The following RGS7 variants were observed in gnomAD, a reference collection of about 807,000 sequenced individuals.
RGS7 encodes regulator of G-protein signaling 7.
A neutral mutation model predicts 81.1 loss-of-function variants in RGS7; 27 were observed. That is an observed-to-expected ratio of 0.33 (90% confidence interval 0.25 to 0.46). The LOEUF (loss-of-function observed/expected upper bound fraction) is 0.46, where lower values mean the gene tolerates loss of function less well. RGS7 is among the 20% of genes least tolerant of loss of function. The pLI is 1.00. For synonymous variants in RGS7, 208 were observed against 207.7 expected, an observed-to-expected ratio of 1.00 and a Z score of -0.01; for missense variants, 396 against 607.4, an observed-to-expected ratio of 0.65 and a Z score of 3.66.
intron 4 of RGS7, among the ~76,000 whole-genome samples, chr1:240,975,408 C>CAATT (rs386370200): frequency 1.3e-4 from 19 of 151,606 alleles, no homozygotes; most frequent in Non-Finnish European, 2.9e-5. Flanking sequence ...TCTAAACAAA[C>CAATT]AAACAAACAA....
chr1:241,334,881 C>G (rs948776194), intron 2 of RGS7, among the ~76,000 whole-genome samples: 4 of 143,204 alleles, frequency 2.8e-5, no homozygotes, highest in African/African-American at 1.2e-4. Context: ...ATATTTATTT[C>G]TGCAAGCATC....
At chr1:240,793,606 TA>T (rs1438886510) in intron 18 of RGS7, among the ~76,000 whole-genome samples, 39,840 of 85,508 alleles carry the variant, frequency 0.47, 9,507 homozygotes, top group Non-Finnish European at 0.56. Flanking sequence ...TATATATATA[TA>T]TATATTTTTT....
intron 9 of RGS7, among the ~76,000 whole-genome samples, chr1:240,863,723 G>C (rs143043027): frequency 6.6e-6 from 1 of 151,868 alleles, no homozygotes; most frequent in African/African-American, 2.4e-5. Context: ...CTGAACTCTG[G>C]ACTTTTAAAA....
chr1:241,086,217 G>A (rs1240595657), intron 3 of RGS7, among the ~76,000 whole-genome samples: 3 of 152,128 alleles, frequency 2.0e-5, no homozygotes, highest in South Asian at 2.1e-4. Context: ...TTCTACATAC[G>A]TTGCCTGAAA....
chr1:241,265,473 A>T (rs1476686140), intron 2 of RGS7, among the ~76,000 whole-genome samples: 1 of 152,234 alleles, frequency 6.6e-6, no homozygotes, highest in African/African-American at 2.4e-5. Flanking sequence ...GGTGGAGGAC[A>T]GCCACAGGAG....
At chr1:240,977,452 G>A (rs1036289179) in intron 4 of RGS7, among the ~76,000 whole-genome samples, 8 of 151,962 alleles carry the variant, frequency 5.3e-5, no homozygotes, top group African/African-American at 1.9e-4. Flanking sequence ...ATATCTTTTA[G>A]ATTCTTACTG....
chr1:240,870,030 T>G (rs1443871366), intron 7 of RGS7, 25 bp downstream of exon 7: 2 of 1,604,050 alleles, frequency 1.2e-6, no homozygotes, highest in Admixed American at 3.3e-5. Flanking sequence ...ATGACTATCT[T>G]TGCCAGAAGG....
intron 9 of RGS7, among the ~76,000 whole-genome samples, chr1:240,860,618 T>G (rs1451213426): frequency 6.6e-6 from 1 of 152,116 alleles, no homozygotes; most frequent in East Asian, 1.9e-4. Flanking sequence ...CAGGCTATTC[T>G]ATACAAATTT....
intron 3 of RGS7, among the ~76,000 whole-genome samples, chr1:241,032,373 T>C (rs1328050451): frequency 6.6e-6 from 1 of 152,226 alleles, no homozygotes. Flanking sequence ...TTTTGATTAT[T>C]GTATCCTTGC....
intron 14 of RGS7, among the ~76,000 whole-genome samples, chr1:240,811,709 C>T (rs529430983): frequency 2.7e-4 from 41 of 152,286 alleles, no homozygotes; most frequent in Middle Eastern, 3.4e-3. Context: ...GATACAGAGA[C>T]GGCGTAAAAA....
At chr1:241,145,661 T>C (rs1355441304) in intron 2 of RGS7, among the ~76,000 whole-genome samples, 4 of 152,174 alleles carry the variant, frequency 2.6e-5, no homozygotes, top group Non-Finnish European at 5.9e-5. Flanking sequence ...CAAGAATCAC[T>C]TGAACCTGGG....
chr1:240,798,533 G>C (rs1485328706), intron 18 of RGS7, among the ~76,000 whole-genome samples: 1 of 152,110 alleles, frequency 6.6e-6, no homozygotes, highest in Non-Finnish European at 1.5e-5. Flanking sequence ...AGAGCAGGGT[G>C]GATCCGTGGA....
At position 241,141,083 on chromosome 1, in the gene RGS7, C is replaced by A. The variant is rs551503757; in HGVS notation, c.79-42321G>T. Among the ~76,000 whole-genome samples the A allele has an allele frequency of 2.6e-4, 40 of 152,264 alleles. No individual in the cohort carries two copies. The South Asian group carries it at 7.3e-3, about 28-fold the overall frequency. On this transcript the variant is annotated intron_variant, in intron 2 of 18. Transcript: ENST00000440928. Reference sequence around the variant, plus strand: ...AGTCATCTGAGCAGCTCTCCCTAACCCAGAGGAGTGCAATTACTCTAAGAA... The same window carrying A: ...AGTCATCTGAGCAGCTCTCCCTAACACAGAGGAGTGCAATTACTCTAAGAA...
At chr1:241,101,274 T>G (rs1431406637) in intron 2 of RGS7, among the ~76,000 whole-genome samples, 1 of 152,160 alleles carries the variant, frequency 6.6e-6, no homozygotes, top group Non-Finnish European at 1.5e-5. Flanking sequence ...GGCAGGCAGA[T>G]CACCTGAGGT....
intron 5 of RGS7, among the ~76,000 whole-genome samples, chr1:240,934,592 A>C (rs1676267595): frequency 2.0e-5 from 3 of 152,160 alleles, no homozygotes; most frequent in Admixed American, 1.3e-4. Flanking sequence ...AGATTTACAA[A>C]TGTGTTTGTT....
intron 18 of RGS7, among the ~76,000 whole-genome samples, chr1:240,799,297 G>T (rs1435932788): frequency 0.026 from 3,849 of 146,070 alleles, 59 homozygotes; most frequent in East Asian, 0.098. Flanking sequence ...TTGTGTGTGT[G>T]TGTGTGTGTG....
intron 3 of RGS7, among the ~76,000 whole-genome samples, chr1:241,019,281 A>T (rs920638672): frequency 3.2e-4 from 49 of 152,240 alleles, no homozygotes; most frequent in African/African-American, 1.2e-3. Context: ...TTCTTTCTGT[A>T]CTGTATCTCT....
At chr1:241,105,379 A>C (rs979060339) in intron 2 of RGS7, among the ~76,000 whole-genome samples, 1 of 152,188 alleles carries the variant, frequency 6.6e-6, no homozygotes, top group African/African-American at 2.4e-5. Flanking sequence ...ATTCATAATT[A>C]GCATTTCCTT....
Position 240,883,342 on chromosome 1 carries a change from T to A in RGS7, c.386-13223A>T, listed in dbSNP as rs190387962. 3.8e-3 allele frequency among the ~76,000 whole-genome samples: 571 copies of A among 152,092 alleles called. 2 individuals are homozygous for A. Among genetic ancestry groups the A allele is most frequent in the Admixed American group, 6.2e-3 (95 of 15,286 alleles). On this transcript the variant is annotated intron_variant, in intron 6 of 18. Coordinates refer to ENST00000440928, the MANE Select transcript of RGS7 (RefSeq NM_001364886.1). The stretch of plus-strand genomic sequence containing the variant: ...ACTTAAAGTATAATAATAATAAAAA[T>A]TTTTTAAAAAAACAAAAAACAATGT...
Sources: gnomAD v4.1 joint callset for allele counts (sites outside exome capture counted in the v4.1 genomes callset) on GRCh38, gnomAD v4.1.1 for gene constraint, MANE v1.5 for transcripts, NCBI Gene and HGNC (gene_info 2026-07-23, HGNC 2026-07-21) for gene names.